RPS6KA5: variants seen among roughly 807,000 people sequenced by gnomAD.
The protein encoded by RPS6KA5 is ribosomal protein S6 kinase A5, also known as ribosomal protein S6 kinase alpha-5.
In RPS6KA5, 27 loss-of-function variants were observed where a neutral mutation model predicts 85.5. The ratio of observed to expected loss-of-function variants is 0.32; its 90% CI spans 0.23 to 0.44. RPS6KA5 has a LOEUF of 0.44. Among genes scored for constraint, RPS6KA5 ranks in the 20% least tolerant of loss-of-function variants. RPS6KA5 has a pLI of 1.00. For missense variants in RPS6KA5, 811 were observed against 980.9 expected, an observed-to-expected ratio of 0.83 and a Z score of 2.31; for synonymous variants, 334 against 348.2, an observed-to-expected ratio of 0.96 and a Z score of 0.46.
At chr14:90,989,593 A>C (rs1341708884) in intron 2 of RPS6KA5, among the ~76,000 whole-genome samples, 1 of 152,216 alleles carries the variant, frequency 6.6e-6, no homozygotes, top group Non-Finnish European at 1.5e-5. Flanking sequence ...GGTACATTTA[A>C]ACATTTTCTT....
chr14:90,888,271 AG>A (rs2034349633), intron 14 of RPS6KA5, among the ~76,000 whole-genome samples: 1 of 152,192 alleles, frequency 6.6e-6, no homozygotes, highest in African/African-American at 2.4e-5. Flanking sequence ...AGGAATTCAG[AG>A]GCTCCAAAAT....
intron 1 of RPS6KA5, among the ~76,000 whole-genome samples, chr14:91,031,777 T>G (rs1222189353): frequency 6.6e-6 from 1 of 152,100 alleles, no homozygotes; most frequent in Non-Finnish European, 1.5e-5. Flanking sequence ...ATATAGCCAT[T>G]AAAAACTGAA....
chr14:90,915,690 G>A (rs900350575), intron 7 of RPS6KA5, among the ~76,000 whole-genome samples: 3 of 151,668 alleles, frequency 2.0e-5, no homozygotes, highest in Admixed American at 6.6e-5. Flanking sequence ...GCCTGTAATC[G>A]AGCAACTGGG....
intron 3 of RPS6KA5, among the ~76,000 whole-genome samples, chr14:90,961,318 CA>C (rs1462969053): frequency 2.0e-5 from 3 of 152,026 alleles, no homozygotes; most frequent in African/African-American, 4.8e-5. Flanking sequence ...CAGAGTTGTA[CA>C]TCTTATGAAG....
At position 90,902,960 on chromosome 14, in the gene RPS6KA5, A is replaced by C; in HGVS notation, c.967T>G (p.Trp323Gly). 6.2e-7 allele frequency: 1 copy of C among 1,610,488 alleles called. No individual in the cohort carries two copies. Among genetic ancestry groups the C allele is most frequent in the Non-Finnish European group, 8.5e-7 (1 of 1,178,084 alleles). Residue 323 changes from tryptophan to glycine, a missense_variant, in exon 9 of 17, where the codon TGG (tryptophan) becomes GGG (glycine). Physicochemically the swap from Trp to Gly is radical, Grantham distance 184 (BLOSUM62 -2). Around this residue, in one of 3 missense-constraint regions of RPS6KA5, gnomAD observed 650 missense variants for 793.4 expected, o/e 0.82. Transcript: ENST00000614987. ...KEHLFFQKIN[W>G]DDLAAKKVPA... ...ACTTTTTTGGCGGCTAAATCATCCCAATTTATTTTCTAAAACAAAGAAAGT... is the reference window on the plus strand; with the variant it reads ...ACTTTTTTGGCGGCTAAATCATCCCCATTTATTTTCTAAAACAAAGAAAGT...
rs1053330587 is a variant in RPS6KA5 at position 90,855,513 on chromosome 14, C to T, written c.*16561G>A. 1 of 152,300 alleles carries T rather than the reference C, an allele frequency of 6.6e-6. No individual in the cohort carries two copies. Among genetic ancestry groups the T allele is most frequent in the Non-Finnish European group, 1.5e-5 (1 of 68,128 alleles). The allele number at this position is 152,300 out of a possible 1,614,324, so 9.4% of individuals were successfully genotyped here. A position where few individuals can be genotyped will look rare whatever the true frequency, so the allele number is the denominator to read the frequency against. On this transcript the variant is annotated 3_prime_UTR_variant, in exon 17 of 17. Transcript: ENST00000614987. Reference sequence around the variant, plus strand: ...AGTGCAATGGCGTGATCTCGGCTCACTGCAACCTCTGCTTCCTGGGTTCAA... The same window carrying T: ...AGTGCAATGGCGTGATCTCGGCTCATTGCAACCTCTGCTTCCTGGGTTCAA...
At chr14:91,034,377 A>C (rs1335642366) in intron 1 of RPS6KA5, among the ~76,000 whole-genome samples, 1 of 151,884 alleles carries the variant, frequency 6.6e-6, no homozygotes, top group Admixed American at 6.6e-5. Flanking sequence ...AGGTGATGAG[A>C]GGTGAAGCCA....
intron 5 of RPS6KA5, among the ~76,000 whole-genome samples, chr14:90,942,842 CTTTT>C (rs928166423): frequency 3.3e-5 from 5 of 151,866 alleles, no homozygotes; most frequent in Non-Finnish European, 5.9e-5. Flanking sequence ...TGCATAGTGT[CTTTT>C]TTCTTTTTTA....
chr14:90,953,352 C>T (rs1445561891), intron 3 of RPS6KA5, among the ~76,000 whole-genome samples: 3 of 152,134 alleles, frequency 2.0e-5, no homozygotes, highest in African/African-American at 7.2e-5. Flanking sequence ...ATCTCTTGAT[C>T]CTGTTATCTT....
chr14:91,005,397 G>T (rs1355038745), intron 1 of RPS6KA5, among the ~76,000 whole-genome samples: 1 of 152,154 alleles, frequency 6.6e-6, no homozygotes, highest in Non-Finnish European at 1.5e-5. Context: ...ACATGTTTTT[G>T]TTGTTGTTGT....
At chr14:90,876,026 C>T (rs2033449579) in intron 14 of RPS6KA5, among the ~76,000 whole-genome samples, 1 of 151,218 alleles carries the variant, frequency 6.6e-6, no homozygotes, top group Admixed American at 6.6e-5. Context: ...ACGTTGTGCA[C>T]ATGTACCCTA....
At chr14:91,032,516 TA>T (rs1014491541) in intron 1 of RPS6KA5, among the ~76,000 whole-genome samples, 26 of 151,388 alleles carry the variant, frequency 1.7e-4, no homozygotes, top group Non-Finnish European at 3.2e-4. Flanking sequence ...CGGAATCAAT[TA>T]AAAAAAAACT....
rs558122717 is a variant in RPS6KA5 at position 90,852,308 on chromosome 14, A to T, written c.*19766T>A. ...ACGGGGTTTCACCATGTTAGCCAGGATGGTCTCGACCTCGTGATCTGCCCG... is the reference window on the plus strand; with the variant it reads ...ACGGGGTTTCACCATGTTAGCCAGGTTGGTCTCGACCTCGTGATCTGCCCG... On this transcript the variant is annotated 3_prime_UTR_variant, in exon 17 of 17. Coordinates refer to ENST00000614987, the MANE Select transcript of RPS6KA5 (RefSeq NM_004755.4). 3.9e-5 allele frequency: 6 copies of T among 152,024 alleles called. No homozygotes were observed. The East Asian group carries it at 1.2e-3, about 29-fold the overall frequency. 9.4% of individuals were successfully genotyped at this position (152,024 alleles called of 1,614,324 possible).
At chr14:90,991,701 C>CAA (rs57545603) in intron 2 of RPS6KA5, among the ~76,000 whole-genome samples, 37,914 of 85,710 alleles carry the variant, frequency 0.44, 7,915 homozygotes, top group Non-Finnish European at 0.5. Context: ...GACTCCATCT[C>CAA]AAAAAAAAAA....
At chr14:90,881,882 A>C (rs2033866859) in intron 14 of RPS6KA5, among the ~76,000 whole-genome samples, 4 of 152,340 alleles carry the variant, frequency 2.6e-5, no homozygotes, top group Middle Eastern at 6.8e-3. Flanking sequence ...TTGGATTTAA[A>C]GTGATTCTTT....
intron 2 of RPS6KA5, among the ~76,000 whole-genome samples, chr14:90,988,971 A>AT (rs1304588900): frequency 1.3e-5 from 2 of 152,352 alleles, no homozygotes; most frequent in African/African-American, 4.8e-5. Context: ...TTAAATTTTT[A>AT]TTAAAAATAT....
At chr14:90,877,722 A>G (rs2033569616) in intron 14 of RPS6KA5, among the ~76,000 whole-genome samples, 1 of 152,088 alleles carries the variant, frequency 6.6e-6, no homozygotes, top group Admixed American at 6.5e-5. Context: ...TTCAGCTGGC[A>G]AAGTCCCATG....
intron 1 of RPS6KA5, among the ~76,000 whole-genome samples, chr14:91,033,367 G>A (rs1480378138): frequency 1.3e-4 from 20 of 152,130 alleles, no homozygotes; most frequent in East Asian, 1.9e-4. Flanking sequence ...GGCTCAGGCC[G>A]AGGTGGGCAG....
At chr14:90,932,647 C>A (rs1421855616) in intron 5 of RPS6KA5, among the ~76,000 whole-genome samples, 1 of 152,200 alleles carries the variant, frequency 6.6e-6, no homozygotes, top group Non-Finnish European at 1.5e-5. Context: ...CACCACTTAA[C>A]CTCCACCCAC....
Sources: gnomAD v4.1 joint callset for allele counts (sites outside exome capture counted in the v4.1 genomes callset) on GRCh38, gnomAD v4.1.1 for gene constraint, gnomAD v4.1.1 regional missense constraint, MANE v1.5 for transcripts, NCBI Gene and HGNC (gene_info 2026-07-23, HGNC 2026-07-21) for gene names.